The following AMTN variants were observed in gnomAD, a reference collection of about 807,000 sequenced individuals.
AMTN encodes RSTI689.
A neutral mutation model predicts 27.4 loss-of-function variants in AMTN; 29 were observed. The observed-to-expected ratio is 1.06, with a 90% confidence interval of 0.79 to 1.44. The LOEUF is 1.44. AMTN is among the 40% of genes most tolerant of loss of function. The pLI, the probability that AMTN is intolerant of heterozygous loss-of-function variation, is 0.00. For synonymous variants in AMTN, 86 were observed against 95.7 expected (o/e 0.90, Z 0.59); for missense variants, 247 against 248.8 (o/e 0.99, Z 0.05).
At chr4:70,525,025 A>G (rs1180520647) in intron 5 of AMTN, 64 bp downstream of exon 5, 1 of 1,481,592 alleles carries the variant, frequency 6.7e-7, no homozygotes, top group Non-Finnish European at 9.3e-7. Flanking sequence ...GTGAAAGCCT[A>G]CAGTAGAAAT....
At chr4:70,519,123 G>A (rs35026749) in intron 2 of AMTN, among the ~76,000 whole-genome samples, 1 of 151,982 alleles carries the variant, frequency 6.6e-6, no homozygotes, top group East Asian at 1.9e-4. Context: ...TTAAGTGGAT[G>A]ATTATTTTAT....
intron 2 of AMTN, among the ~76,000 whole-genome samples, chr4:70,521,525 G>A (rs36145302): frequency 0.094 from 13,818 of 147,722 alleles, 857 homozygotes; most frequent in African/African-American, 0.17. Context: ...TGTGGGAGAT[G>A]AAAAGACTTA....
rs1440011383 is a variant in AMTN at position 70,532,584 on chromosome 4, T to C, written c.*119T>C. 2.2e-6 allele frequency: 2 copies of C among 913,588 alleles called. No homozygotes were observed. The highest frequency in any genetic ancestry group is 3.3e-6 in the Non-Finnish European group (2 of 605,446). The allele number at this position is 913,588 out of a possible 1,614,324, so 56.6% of individuals were successfully genotyped here. The stretch of plus-strand genomic sequence containing the variant: ...TTGGATAGTCTTAGAAGAAATTAAT[T>C]CTTAATTTACCTGAAAATATTCTTG... On this transcript the variant is annotated 3_prime_UTR_variant, in exon 9 of 9. Coordinates refer to ENST00000339336, the MANE Select transcript of AMTN (RefSeq NM_212557.4).
At chr4:70,521,394 A>AG (rs1735963083) in intron 2 of AMTN, among the ~76,000 whole-genome samples, 2 of 128,514 alleles carry the variant, frequency 1.6e-5, no homozygotes, top group East Asian at 4.1e-4. Flanking sequence ...AAAAAAAAAA[A>AG]GAAGAAGAAA....
chr4:70,531,582 G>A (rs1048688176), intron 8 of AMTN, among the ~76,000 whole-genome samples: 30 of 151,960 alleles, frequency 2.0e-4, no homozygotes, highest in African/African-American at 4.6e-4. Context: ...GCATGATCTC[G>A]GCTCACTGCA....
At chr4:70,523,812 A>G (rs1397532465) in intron 3 of AMTN, 56 bp from the exon 4 acceptor site, 7 of 1,455,910 alleles carry the variant, frequency 4.8e-6, no homozygotes, top group Non-Finnish European at 5.8e-6. Flanking sequence ...CACCACTGAC[A>G]GAGTAAGGGA....
chr4:70,528,198 G>A (rs146356171), intron 5 of AMTN, among the ~76,000 whole-genome samples: 54 of 148,676 alleles, frequency 3.6e-4, no homozygotes, highest in Middle Eastern at 6.8e-3. Flanking sequence ...TCTTCTAAAT[G>A]TGCTATCTTG....
At position 70,518,643 on chromosome 4, in the gene AMTN, G is replaced by A. The variant is rs1444277479; in HGVS notation, c.-27G>A. Reference sequence around the variant, plus strand: ...CCTTGAGTATTGTACATTTTGCCTCGTGGACCCAAAGGTAACATTAATTGA... The same window carrying A: ...CCTTGAGTATTGTACATTTTGCCTCATGGACCCAAAGGTAACATTAATTGA... On this transcript the variant is annotated 5_prime_UTR_variant, in exon 1 of 9. In the 5' UTR this introduces an upstream ATG that the reference lacks. Coordinates refer to ENST00000339336, the MANE Select transcript of AMTN (RefSeq NM_212557.4). The A allele has an allele frequency of 5.7e-6, 4 of 705,288 alleles. No individual in the cohort carries two copies. Among genetic ancestry groups the A allele is most frequent in the African/African-American group, 1.8e-5 (1 of 55,676 alleles). 43.7% of individuals were successfully genotyped at this position (705,288 alleles called of 1,614,324 possible).
chr4:70,524,376 A>C (rs1736048610), intron 4 of AMTN, among the ~76,000 whole-genome samples: 1 of 152,218 alleles, frequency 6.6e-6, no homozygotes. Context: ...TATCTGTGTA[A>C]TCTGTTTGAG....
chr4:70,532,317 A>T (rs967533286), intron 8 of AMTN, 138 bp from the exon 9 acceptor site: 2 of 641,072 alleles, frequency 3.1e-6, no homozygotes, highest in African/African-American at 3.8e-5. Flanking sequence ...AATGTCTAGA[A>T]CCAAATATCC....
chr4:70,524,618 A>G (rs1372611965), intron 4 of AMTN, among the ~76,000 whole-genome samples: 2 of 151,570 alleles, frequency 1.3e-5, no homozygotes, highest in East Asian at 3.9e-4. Context: ...AGTAATTCTC[A>G]AACAGAATAG....
rs376682442 is a variant in AMTN at position 70,531,280 on chromosome 4, C to A, written c.599C>A (p.Ala200Asp). The A allele has an allele frequency of 6.2e-7, 1 of 1,613,728 alleles. No homozygotes were observed. Among genetic ancestry groups the A allele is most frequent in the Non-Finnish European group, 8.5e-7 (1 of 1,179,806 alleles). ...IQRSTHAIEE[A>D]TTESANGIQ ...AGGAGCACACATGCCATCGAGGAAGCCACCACAGAATCAGCAAATGGTAAA... is the reference window on the plus strand; with the variant it reads ...AGGAGCACACATGCCATCGAGGAAGACACCACAGAATCAGCAAATGGTAAA... The change falls in exon 8 of 9, where the codon GCC (alanine) becomes GAC (aspartate). Residue 200 changes from alanine (A) to aspartate (D), a missense_variant. Physicochemically the swap from Ala to Asp is moderately radical, Grantham distance 126 (BLOSUM62 -2). Transcript: ENST00000339336.
intron 2 of AMTN, among the ~76,000 whole-genome samples, chr4:70,519,768 ATT>A (rs1171648671): frequency 1.3e-5 from 2 of 151,316 alleles, no homozygotes; most frequent in African/African-American, 4.9e-5. Flanking sequence ...TACTCAAATG[ATT>A]TTTAAAGAAA....
In AMTN at chr4:70,524,034, A is replaced by G. The variant is rs996032212; in HGVS notation, c.204+101A>G. ...TGTATATGGGTGCGTATATCCACAA[A>G]TGAAAACACACATATACTTATTCAC... is the stretch of plus-strand genomic sequence containing the variant. On this transcript the variant is annotated intron_variant, in intron 4 of 8. Coordinates refer to ENST00000339336, the MANE Select transcript of AMTN (RefSeq NM_212557.4). 9 of 900,406 alleles carry G rather than the reference A, an allele frequency of 1.0e-5. No homozygotes were observed. In the African/African-American group the frequency reaches 1.2e-4, roughly 12 times the overall value. 55.8% of individuals were successfully genotyped at this position (900,406 alleles called of 1,614,324 possible).
chr4:70,527,408 A>G (rs539639286), intron 5 of AMTN, among the ~76,000 whole-genome samples: 2 of 152,306 alleles, frequency 1.3e-5, no homozygotes, highest in South Asian at 2.1e-4. Context: ...TTAAAAAAGA[A>G]ATTTCCATTT....
In AMTN at chr4:70,531,301, G is replaced by A. The variant is rs752143599; in HGVS notation, c.619+1G>A. On this transcript the variant is annotated splice_donor_variant, in intron 8 of 8. Transcript: ENST00000339336. LOFTEE classifies it high-confidence loss of function. The stretch of plus-strand genomic sequence containing the variant: ...GAAGCCACCACAGAATCAGCAAATG[G>A]TAAATTCTCCTAGCTTGGAACATGC... 1.2e-6 allele frequency: 2 copies of A among 1,613,536 alleles called. No homozygotes were observed. Among genetic ancestry groups the A allele is most frequent in the African/African-American group, 1.3e-5 (1 of 75,030 alleles).
At position 70,518,765 on chromosome 4, in the gene AMTN, A is replaced by G; in HGVS notation, c.-13A>G. The G allele has an allele frequency of 1.3e-6, 2 of 1,585,886 alleles. No individual in the cohort carries two copies. The highest frequency in any genetic ancestry group is 1.7e-6 in the Non-Finnish European group (2 of 1,157,034). ...GTAACACTTTTTTGTTGTTGTAGGTAGCAATCTGAAACATGAGGAGTACGA... is the reference window on the plus strand; with the variant it reads ...GTAACACTTTTTTGTTGTTGTAGGTGGCAATCTGAAACATGAGGAGTACGA... On this transcript the variant is annotated splice_region_variant and 5_prime_UTR_variant, in exon 2 of 9. Coordinates refer to ENST00000339336, the MANE Select transcript of AMTN (RefSeq NM_212557.4).
chr4:70,524,410 AGT>A (rs1736049155), intron 4 of AMTN, among the ~76,000 whole-genome samples: 1 of 152,194 alleles, frequency 6.6e-6, no homozygotes, highest in Non-Finnish European at 1.5e-5. Flanking sequence ...TTCTTTCCTG[AGT>A]TAAAGTGGAT....
In AMTN at chr4:70,529,229, C is replaced by T; in HGVS notation, c.357+19C>T. ...GGAATTGGTAAAAAAAATAAAAATA[C>T]TATTTCAAATTATTTTCACTTCTAT... On this transcript the variant is annotated intron_variant, in intron 7 of 8. Coordinates refer to ENST00000339336, the MANE Select transcript of AMTN (RefSeq NM_212557.4). 6.6e-7 allele frequency: 1 copy of T among 1,517,808 alleles called. No homozygotes were observed. The allele number at this position is 1,517,808 out of a possible 1,614,324, so 94.0% of individuals were successfully genotyped here.
Sources: gnomAD v4.1 joint callset for allele counts (sites outside exome capture counted in the v4.1 genomes callset) on GRCh38, gnomAD v4.1.1 for gene constraint, MANE v1.5 for transcripts, NCBI Gene and HGNC (gene_info 2026-07-23, HGNC 2026-07-21) for gene names.